The following DYM variants were observed in gnomAD, a reference collection of about 807,000 sequenced individuals.
DYM encodes the protein dyggve-Melchior-Clausen syndrome protein.
In DYM, 78 loss-of-function variants were observed where a neutral mutation model predicts 93.1. That is an observed-to-expected ratio of 0.84 (90% CI 0.70 to 1.01). The LOEUF is 1.01. Ranked by LOEUF, DYM falls within the 50% of genes least tolerant of loss-of-function variation. The probability of loss-of-function intolerance (pLI) is 0.00; values close to 1 mark genes in which losing one functional copy is unlikely to be tolerated. For synonymous variants in DYM, 321 were observed against 319.7 expected (o/e 1.00, Z -0.04); for missense variants, 789 against 845.0 (o/e 0.93, Z 0.82).
intron 17 of DYM, among the ~76,000 whole-genome samples, chr18:49,084,188 A>C (rs1599630671): frequency 2.0e-5 from 3 of 152,182 alleles, no homozygotes; most frequent in African/African-American, 7.2e-5. Context: ...TTATATTTTC[A>C]TTTAGTTCAA....
chr18:49,107,780 C>G (rs527952906), intron 16 of DYM, among the ~76,000 whole-genome samples: 1 of 152,096 alleles, frequency 6.6e-6, no homozygotes, highest in Non-Finnish European at 1.5e-5. Context: ...TTGTCTGAGA[C>G]GAGTACCCGG....
chr18:49,213,049 TA>T (rs2092860232), intron 13 of DYM, among the ~76,000 whole-genome samples: 1 of 152,200 alleles, frequency 6.6e-6, no homozygotes, highest in African/African-American at 2.4e-5. Context: ...AGTGCCTTCT[TA>T]CAAGAAAATG....
chr18:49,099,023 TA>T (rs964556364), intron 16 of DYM, among the ~76,000 whole-genome samples: 11 of 152,114 alleles, frequency 7.2e-5, no homozygotes, highest in African/African-American at 1.4e-4. Flanking sequence ...ATTTTGTTGG[TA>T]AAAAAATGGT....
At chr18:49,367,936 CTA>C (rs2066665723) in intron 5 of DYM, among the ~76,000 whole-genome samples, 1 of 152,086 alleles carries the variant, frequency 6.6e-6, no homozygotes, top group Admixed American at 6.5e-5. Flanking sequence ...ACGGTAGAGT[CTA>C]TGTTTTTGCC....
chr18:49,129,299 C>T (rs534790203), intron 15 of DYM, among the ~76,000 whole-genome samples: 20 of 152,170 alleles, frequency 1.3e-4, no homozygotes, highest in Middle Eastern at 3.4e-3. Context: ...GGAACCTGGA[C>T]TTCAGTTTCC....
chr18:49,103,594 G>A (rs1158787380), intron 16 of DYM, among the ~76,000 whole-genome samples: 3 of 152,106 alleles, frequency 2.0e-5, no homozygotes, highest in Non-Finnish European at 4.4e-5. Flanking sequence ...TTTGTATAAG[G>A]TGTAAGGAAG....
chr18:49,156,166 G>A (rs1490992961), intron 15 of DYM, among the ~76,000 whole-genome samples: 5 of 152,262 alleles, frequency 3.3e-5, no homozygotes, highest in Non-Finnish European at 7.4e-5. Context: ...ATTTTGATGT[G>A]CTAATTGGCC....
chr18:49,099,855 T>C (rs1219805674), intron 16 of DYM, among the ~76,000 whole-genome samples: 1 of 152,222 alleles, frequency 6.6e-6, no homozygotes, highest in Non-Finnish European at 1.5e-5. Context: ...TGTTTTTCCC[T>C]TGTAATGTGG....
intron 17 of DYM, among the ~76,000 whole-genome samples, chr18:49,070,996 T>A (rs1390265780): frequency 4.6e-5 from 7 of 152,240 alleles, no homozygotes; most frequent in African/African-American, 1.4e-4. Context: ...AATGAGAGGC[T>A]GTATGGTGGA....
At chr18:49,370,714 C>G (rs1354744907) in intron 5 of DYM, among the ~76,000 whole-genome samples, 1 of 152,164 alleles carries the variant, frequency 6.6e-6, no homozygotes, top group African/African-American at 2.4e-5. Context: ...TTGCAGTGAG[C>G]CAAAATCGTG....
chr18:49,290,141 A>G (rs528183433), intron 8 of DYM, among the ~76,000 whole-genome samples: 3 of 152,036 alleles, frequency 2.0e-5, no homozygotes, highest in Admixed American at 6.6e-5. Flanking sequence ...TTACTGTAAT[A>G]TTGTTTATAA....
At chr18:49,371,470 A>AAAT (rs919602642) in intron 5 of DYM, among the ~76,000 whole-genome samples, 32 of 152,122 alleles carry the variant, frequency 2.1e-4, no homozygotes, top group South Asian at 6.2e-4. Flanking sequence ...CTCTGTCTCA[A>AAAT]AATAATAATA....
At chr18:49,418,648 C>T (rs1417880183) in intron 2 of DYM, among the ~76,000 whole-genome samples, 1 of 152,132 alleles carries the variant, frequency 6.6e-6, no homozygotes, top group East Asian at 1.9e-4. Context: ...TACTTGAAGA[C>T]GGCACATATG....
At chr18:49,345,667 G>A (rs750945054) in intron 6 of DYM, among the ~76,000 whole-genome samples, 1 of 151,828 alleles carries the variant, frequency 6.6e-6, no homozygotes, top group Non-Finnish European at 1.5e-5. Context: ...GGTTTGAAAA[G>A]GTAAAACTAA....
intron 6 of DYM, among the ~76,000 whole-genome samples, chr18:49,349,236 C>T (rs536916576): frequency 6.6e-6 from 1 of 151,858 alleles, no homozygotes; most frequent in Non-Finnish European, 1.5e-5. Flanking sequence ...AAACATAAAA[C>T]CATAAATATT....
intron 16 of DYM, among the ~76,000 whole-genome samples, chr18:49,107,578 G>T (rs940327639): frequency 1.3e-5 from 2 of 152,110 alleles, no homozygotes; most frequent in Non-Finnish European, 2.9e-5. Context: ...GTACAGATGG[G>T]GTTTTGGTGT....
chr18:49,344,047 C>G (rs1242795227), intron 6 of DYM, among the ~76,000 whole-genome samples: 1 of 152,006 alleles, frequency 6.6e-6, no homozygotes, highest in Non-Finnish European at 1.5e-5. Flanking sequence ...TGAAACAAGA[C>G]TTACTCAAAG....
intron 6 of DYM, among the ~76,000 whole-genome samples, chr18:49,346,680 T>C (rs2064628198): frequency 6.6e-6 from 1 of 152,148 alleles, no homozygotes; most frequent in African/African-American, 2.4e-5. Flanking sequence ...AAAATAAAAA[T>C]GAGAAAGTTC....
chr18:49,266,941 A>T (rs2094579817), intron 11 of DYM, among the ~76,000 whole-genome samples: 1 of 152,200 alleles, frequency 6.6e-6, no homozygotes, highest in Non-Finnish European at 1.5e-5. Context: ...CTAAGCTTCT[A>T]CCTTAAGAAA....
Sources: gnomAD v4.1 joint callset for allele counts (sites outside exome capture counted in the v4.1 genomes callset) on GRCh38, gnomAD v4.1.1 for gene constraint, MANE v1.5 for transcripts, NCBI Gene and HGNC (gene_info 2026-07-23, HGNC 2026-07-21) for gene names.